The following USP48 variants were observed in gnomAD, a reference collection of about 807,000 sequenced individuals.
The protein encoded by USP48 is ubiquitin carboxyl-terminal hydrolase 48.
Under a neutral mutation model 150.7 loss-of-function variants are expected in USP48, and 43 were observed. That is an observed-to-expected ratio of 0.29 (90% confidence interval 0.22 to 0.37). The LOEUF (loss-of-function observed/expected upper bound fraction) is 0.37. Ranked by LOEUF, USP48 falls within the 10% of genes least tolerant of loss-of-function variation. USP48 has a pLI of 1.00. For missense variants in USP48, 813 were observed against 1,249.6 expected (o/e 0.65, Z 5.27); for synonymous variants, 396 against 425.9 (o/e 0.93, Z 0.86).
intron 1 of USP48, 140 bp downstream of exon 1, chr1:21,782,684 C>T: frequency 7.6e-7 from 1 of 1,319,244 alleles, no homozygotes; most frequent in Non-Finnish European, 9.9e-7. Flanking sequence ...GCAGACGGCG[C>T]AAAGGGGGAA....
chr1:21,708,884 C>CAAAAAAAAAAA (rs1181628764), intron 15 of USP48, among the ~76,000 whole-genome samples: 2 of 16,594 alleles, frequency 1.2e-4, no homozygotes, highest in African/African-American at 3.2e-4. Flanking sequence ...GACTCCGTCT[C>CAAAAAAAAAAA]AAAAAAAAAA....
chr1:21,755,252 CATTGCAGGCCAGTAAAAGCT>C (rs1557578165), intron 3 of USP48, among the ~76,000 whole-genome samples: 1 of 151,804 alleles, frequency 6.6e-6, no homozygotes, highest in East Asian at 1.9e-4. Flanking sequence ...CCTGCAAAAG[CATTGCAGGCCAGTAAAAGCT>C]ATTCAAGGCC....
intron 1 of USP48, among the ~76,000 whole-genome samples, chr1:21,767,642 T>C (rs1179866169): frequency 1.3e-5 from 2 of 148,802 alleles, no homozygotes; most frequent in East Asian, 3.9e-4. Context: ...TTAGAGAGCT[T>C]TTTTTTTTTT....
rs150015731 is a variant in USP48, at chr1:21,763,444, T to C, written c.135-5661A>G. Reference sequence around the variant, plus strand: ...AAACTTCTAAATTGTTGCTAAGCCTTTCATACATAGCCCAATATGGGGGGG... The same window carrying C: ...AAACTTCTAAATTGTTGCTAAGCCTCTCATACATAGCCCAATATGGGGGGG... On this transcript the variant is annotated intron_variant, in intron 1 of 26. Coordinates refer to ENST00000308271, the MANE Select transcript of USP48 (RefSeq NM_032236.8). Among the ~76,000 whole-genome samples the C allele has an allele frequency of 3.2e-3, 486 of 152,310 alleles. 2 individuals carry two copies. The highest frequency in any genetic ancestry group is 3.1e-3 in the Non-Finnish European group (208 of 68,030).
chr1:21,724,425 G>C, intron 11 of USP48: 1 of 482,668 alleles, frequency 2.1e-6, no homozygotes, highest in Non-Finnish European at 3.7e-6. Flanking sequence ...ACCCATGTTT[G>C]TTGACTACAA....
chr1:21,720,546 G>A (rs78745362), intron 14 of USP48, among the ~76,000 whole-genome samples: 3 of 136,750 alleles, frequency 2.2e-5, no homozygotes, highest in Non-Finnish European at 5.0e-5. Flanking sequence ...TTTTTTTTAA[G>A]AGACAGAGTC....
At chr1:21,771,541 C>G (rs1337149575) in intron 1 of USP48, among the ~76,000 whole-genome samples, 20 of 150,816 alleles carry the variant, frequency 1.3e-4, no homozygotes, top group Admixed American at 9.2e-4. Flanking sequence ...CTTGCCTTAT[C>G]AGATATTTTT....
chr1:21,765,570 T>C (rs1299999917), intron 1 of USP48, among the ~76,000 whole-genome samples: 1 of 148,692 alleles, frequency 6.7e-6, no homozygotes, highest in Non-Finnish European at 1.5e-5. Flanking sequence ...TGAGCCGAGA[T>C]CACGCCACTG....
chr1:21,739,039 AG>A (rs571849220), intron 8 of USP48, among the ~76,000 whole-genome samples: 145 of 152,364 alleles, frequency 9.5e-4, no homozygotes, highest in Middle Eastern at 3.4e-3. Context: ...TACCATGTGA[AG>A]GCAATAAGCC....
chr1:21,725,357 G>T (rs1427889257), intron 11 of USP48, among the ~76,000 whole-genome samples: 1 of 152,170 alleles, frequency 6.6e-6, no homozygotes, highest in Non-Finnish European at 1.5e-5. Context: ...TGGGAATGTT[G>T]TTGAGTATAA....
chr1:21,726,959 A>AG (rs1234882050), intron 11 of USP48, among the ~76,000 whole-genome samples: 1 of 152,054 alleles, frequency 6.6e-6, no homozygotes, highest in African/African-American at 2.4e-5. Flanking sequence ...TTCTTTAAAA[A>AG]GAAAAAAAAA....
At chr1:21,693,084 C>G (rs761313724) in intron 23 of USP48, among the ~76,000 whole-genome samples, 1 of 151,998 alleles carries the variant, frequency 6.6e-6, no homozygotes, top group Non-Finnish European at 1.5e-5. Flanking sequence ...AATATAGAAG[C>G]GATCGCCTCA....
chr1:21,704,348 A>T lies in USP48; in HGVS notation c.2429T>A (p.Leu810His). ...TTTAATTACATGATCCACAACAAAG[A>T]GCTTTTGTATCATTTGCCACTCACT... ...WPSEWQMIQK[L>H]FVVDHVIKIT... Residue 810 changes from leucine (L) to histidine (H), a missense_variant, in exon 20 of 27, where the codon CTC becomes CAC. Leu to His is a moderately conservative substitution (Grantham distance 99). Coordinates refer to ENST00000308271, the MANE Select transcript of USP48 (RefSeq NM_032236.8). 2 of 1,613,774 alleles carry T rather than the reference A, an allele frequency of 1.2e-6. No individual in the cohort carries two copies. Among genetic ancestry groups the T allele is most frequent in the Non-Finnish European group, 1.7e-6 (2 of 1,179,936 alleles).
chr1:21,693,117 T>C (rs2097608102), intron 23 of USP48, among the ~76,000 whole-genome samples: 1 of 152,078 alleles, frequency 6.6e-6, no homozygotes, highest in South Asian at 2.1e-4. Flanking sequence ...TTCACTTCTG[T>C]GCCAAAATAT....
Position 21,751,544 on chromosome 1 carries a change from T to G in USP48, c.737A>C (p.His246Pro). Residue 246 changes from histidine to proline, a missense_variant, in exon 6 of 27, where the codon CAC becomes CCC. By Grantham distance (77) the His-to-Pro change is moderately conservative. Transcript: ENST00000308271. The part of the protein sequence containing the change: ...FYELELNIQG[H>P]KQLTDCISEF... ...CGAGATACAATCTGTTAACTGTTTG[T>G]GGCCTTGGATATTTAACTCCAGCTC... 1 of 1,614,008 alleles carries G rather than the reference T, an allele frequency of 6.2e-7. No homozygotes were observed. Among genetic ancestry groups the G allele is most frequent in the Non-Finnish European group, 8.5e-7 (1 of 1,179,982 alleles).
chr1:21,697,298 T>C (rs1210354327), intron 22 of USP48, among the ~76,000 whole-genome samples: 2 of 150,474 alleles, frequency 1.3e-5, no homozygotes, highest in African/African-American at 4.9e-5. Context: ...AAAAGTTAAG[T>C]GCACATGTGA....
intron 22 of USP48, among the ~76,000 whole-genome samples, chr1:21,696,871 A>AGGT (rs1451118529): frequency 1.5e-4 from 1 of 6,650 alleles, no homozygotes; most frequent in South Asian, 5.6e-3. Context: ...TTTGTACCAA[A>AGGT]GGTGGTGGTG....
rs578036992 is a variant in USP48, at chr1:21,741,735, G to A, written c.992-5110C>T. On this transcript the variant is annotated intron_variant, in intron 8 of 26. Transcript: ENST00000308271. The stretch of plus-strand genomic sequence containing the variant: ...TTCACGCCTGTAATCCCAGGACTTT[G>A]TGAGCCGAGGCAAGAGGACTGCTTA... Among the ~76,000 whole-genome samples, 8 of 152,254 alleles carry A rather than the reference G, an allele frequency of 5.3e-5. No individual in the cohort carries two copies. In the South Asian group the frequency reaches 1.4e-3, roughly 28 times the overall value.
chr1:21,745,072 T>C (rs333180), intron 8 of USP48, among the ~76,000 whole-genome samples: 11,624 of 152,252 alleles, frequency 0.076, 502 homozygotes, highest in Middle Eastern at 0.11. Flanking sequence ...CAAAATTACA[T>C]ATGGTTTGTA....
Sources: gnomAD v4.1 joint callset for allele counts (sites outside exome capture counted in the v4.1 genomes callset) on GRCh38, gnomAD v4.1.1 for gene constraint, MANE v1.5 for transcripts, NCBI Gene and HGNC (gene_info 2026-07-23, HGNC 2026-07-21) for gene names.